NELFA: variants seen among roughly 807,000 people sequenced by gnomAD.
NELFA encodes negative elongation factor complex member A, also known as negative elongation factor A.
In NELFA, 35 loss-of-function variants were observed where a neutral mutation model predicts 51.8. The observed-to-expected ratio is 0.68, with a 90% CI of 0.52 to 0.90. NELFA has a LOEUF of 0.90. NELFA is among the 40% of genes least tolerant of loss of function. The pLI is 0.00. For synonymous variants in NELFA, 417 were observed against 338.4 expected (o/e 1.23, Z -2.55); for missense variants, 658 against 746.4 (o/e 0.88, Z 1.38).
At position 1,983,218 on chromosome 4, in the gene NELFA, G is replaced by A. The variant is rs1017387305; in HGVS notation, c.*101C>T. Reference sequence around the variant, plus strand: ...GTCAGCAGCAGGGCGGCGGCCGGGGGACCTCGGGGGCCAGGTGTCCGCCAT... The same window carrying A: ...GTCAGCAGCAGGGCGGCGGCCGGGGAACCTCGGGGGCCAGGTGTCCGCCAT... On this transcript the variant is annotated 3_prime_UTR_variant, in exon 11 of 11. Transcript: ENST00000382882. 26 of 1,263,364 alleles carry A rather than the reference G, an allele frequency of 2.1e-5. No individual in the cohort carries two copies. Among genetic ancestry groups the A allele is most frequent in the Non-Finnish European group, 2.3e-5 (21 of 913,086 alleles). The allele number at this position is 1,263,364 out of a possible 1,614,324, so 78.3% of individuals were successfully genotyped here. A position where few individuals can be genotyped will look rare whatever the true frequency, so the allele number is the denominator to read the frequency against.
At position 1,984,039 on chromosome 4, in the gene NELFA, T is replaced by G; in HGVS notation, c.1111A>C (p.Lys371Gln). 1.2e-6 allele frequency: 2 copies of G among 1,606,194 alleles called. No homozygotes were observed. The highest frequency in any genetic ancestry group is 1.7e-6 in the Non-Finnish European group (2 of 1,179,178). ...CTGTTGTACATGGGCGCCCGCTGCT[T>G]GAACTGCGCTGGCAACGTGGGGCTC... is the stretch of plus-strand genomic sequence containing the variant. Reference protein sequence around the residue: ...APSPTLPAQFKQRAPMYNSGL... With the variant: ...APSPTLPAQFQQRAPMYNSGL... The change falls in exon 9 of 11, where the codon AAG becomes CAG. Residue 371 changes from lysine (K) to glutamine (Q), a missense_variant. Physicochemically the swap from Lys to Gln is moderately conservative, Grantham distance 53. Around this residue, in one of 3 missense-constraint regions of NELFA, gnomAD observed 200 missense variants for 167.9 expected, o/e 1.19. Transcript: ENST00000382882.
At chr4:2,002,070 G>C (rs556535127) in intron 1 of NELFA, among the ~76,000 whole-genome samples, 2 of 150,214 alleles carry the variant, frequency 1.3e-5, no homozygotes, top group East Asian at 2.0e-4. Context: ...CATGGTGGCG[G>C]GCGCCTGTAG....
Position 1,982,942 on chromosome 4 carries a change from CTG to C in NELFA, c.*375_*376del, listed in dbSNP as rs561653249. 11 of 174,348 alleles carry C rather than the reference CTG, an allele frequency of 6.3e-5. No individual in the cohort carries two copies. The South Asian group carries it at 1.6e-3, about 25-fold the overall frequency. The allele number at this position is 174,348 out of a possible 1,614,324, so 10.8% of individuals were successfully genotyped here. On this transcript the variant is annotated 3_prime_UTR_variant, in exon 11 of 11. Coordinates refer to ENST00000382882, the MANE Select transcript of NELFA (RefSeq NM_005663.5). ...CCGTGCCACCTTGGTCCCCTCAACCCTGGGGGTAGGAGGGCACTGCCCCAGCG... is the reference window on the plus strand; with the variant it reads ...CCGTGCCACCTTGGTCCCCTCAACCCGGGGTAGGAGGGCACTGCCCCAGCG...
intron 1 of NELFA, chr4:1,992,516 C>G (rs1027510920): frequency 7.2e-6 from 3 of 416,242 alleles, no homozygotes; most frequent in African/African-American, 6.3e-5. Flanking sequence ...CATGCGCCCA[C>G]TGGGCTGCTC....
intron 1 of NELFA, among the ~76,000 whole-genome samples, chr4:1,996,216 TTAA>T (rs1208046423): frequency 6.6e-6 from 1 of 152,102 alleles, no homozygotes; most frequent in Non-Finnish European, 1.5e-5. Flanking sequence ...CAGCTAGAAA[TTAA>T]TAATAAAAAC....
Position 1,987,971 on chromosome 4 carries a change from C to G in NELFA, c.581G>C (p.Gly194Ala), listed in dbSNP as rs567338799. 6.8e-6 allele frequency: 11 copies of G among 1,611,336 alleles called. No homozygotes were observed. In the African/African-American group the frequency reaches 1.3e-4, roughly 20 times the overall value. ...ETAQQLKRSA[G>A]VPFHAKGRGL... is the part of the protein sequence containing the mutation. ...CCGGCCCTTGGCGTGGAAGGGCACC[C>G]CGGCGCTCCGCTTCAACTGCTGGGC... is the stretch of plus-strand genomic sequence containing the variant. Residue 194 changes from glycine (G) to alanine (A), a missense_variant, in exon 4 of 11, where the codon GGG (glycine) becomes GCG (alanine). By Grantham distance (60) the Gly-to-Ala change is moderately conservative. Transcript: ENST00000382882.
chr4:2,007,446 A>G (rs1298760312), intron 1 of NELFA, among the ~76,000 whole-genome samples: 1 of 152,238 alleles, frequency 6.6e-6, no homozygotes. Context: ...CGCAGCAGTG[A>G]AAATTAAACT....
At chr4:1,993,159 A>C (rs1728324655) in intron 1 of NELFA, among the ~76,000 whole-genome samples, 1 of 152,246 alleles carries the variant, frequency 6.6e-6, no homozygotes, top group African/African-American at 2.4e-5. Flanking sequence ...TTTTATAAAA[A>C]TGGTAAGGAT....
Position 1,991,589 on chromosome 4 carries a change from G to C in NELFA, c.337C>G (p.Gln113Glu). 2 of 1,614,028 alleles carry C rather than the reference G, an allele frequency of 1.2e-6. No individual in the cohort carries two copies. Among genetic ancestry groups the C allele is most frequent in the South Asian group, 2.2e-5 (2 of 91,082 alleles). ...AAAATATCCTGAACGTTGGGATTCT[G>C]CTCCTCCAGCTCCAGGTTAAGCGAG... ...TGSLNLELEE[Q>E]NPNVQDILGE... The change falls in exon 2 of 11, where the codon CAG becomes GAG. Residue 113 changes from glutamine (Q) to glutamate (E), a missense_variant. This residue lies in a region of NELFA where 371 missense variants were observed against 448.3 expected (regional missense o/e 0.83). Coordinates refer to ENST00000382882, the MANE Select transcript of NELFA (RefSeq NM_005663.5).
At chr4:1,993,090 G>A (rs561321989) in intron 1 of NELFA, among the ~76,000 whole-genome samples, 1 of 152,356 alleles carries the variant, frequency 6.6e-6, no homozygotes, top group South Asian at 2.1e-4. Context: ...CAGCCAGTGC[G>A]GCCTCTCCAC....
chr4:1,997,646 T>G (rs937323825), intron 1 of NELFA, among the ~76,000 whole-genome samples: 1 of 152,218 alleles, frequency 6.6e-6, no homozygotes, highest in Non-Finnish European at 1.5e-5. Flanking sequence ...CGAAAATCAC[T>G]ATGGAGAAAG....
At chr4:1,995,966 A>G (rs1243864091) in intron 1 of NELFA, among the ~76,000 whole-genome samples, 1 of 151,966 alleles carries the variant, frequency 6.6e-6, no homozygotes, top group Non-Finnish European at 1.5e-5. Context: ...CCCGGGCAAC[A>G]TAGTAAGACC....
intron 7 of NELFA, among the ~76,000 whole-genome samples, chr4:1,985,300 G>T (rs1304716606): frequency 6.6e-6 from 1 of 152,206 alleles, no homozygotes; most frequent in Non-Finnish European, 1.5e-5. Context: ...TGACCCCACA[G>T]TGTGGCCTCC....
chr4:1,983,012 CAG>C lies in NELFA; in HGVS notation c.*305_*306del, dbSNP rs2109051227. 2 of 276,822 alleles carry C rather than the reference CAG, an allele frequency of 7.2e-6. No homozygotes were observed. Among genetic ancestry groups the C allele is most frequent in the South Asian group, 1.7e-4 (2 of 11,554 alleles). 17.1% of individuals were successfully genotyped at this position (276,822 alleles called of 1,614,324 possible). On this transcript the variant is annotated 3_prime_UTR_variant, in exon 11 of 11. Transcript: ENST00000382882. ...TTTTAAAAAGTAAGAGTCTAACAGG[CAG>C]AGCTGTCACTAAAATTAGGAAGTTG... is the stretch of plus-strand genomic sequence containing the variant.
Position 1,993,409 on chromosome 4 carries a change from G to A in NELFA, c.211-1694C>T, listed in dbSNP as rs530616274. Among the ~76,000 whole-genome samples the A allele has an allele frequency of 2.0e-5, 3 of 152,162 alleles. No homozygotes were observed. The East Asian group carries it at 5.8e-4, about 30-fold the overall frequency. On this transcript the variant is annotated intron_variant, in intron 1 of 10. Coordinates refer to ENST00000382882, the MANE Select transcript of NELFA (RefSeq NM_005663.5). ...AGACTGACCCACATGGGGAAACCCT[G>A]TCTCTACTAAAAATACAAAATTAGC...
At chr4:1,994,332 G>C (rs761798955) in intron 1 of NELFA, among the ~76,000 whole-genome samples, 3 of 152,062 alleles carry the variant, frequency 2.0e-5, no homozygotes, top group Non-Finnish European at 2.9e-5. Context: ...TGGGAGGCTA[G>C]GGCGGGTGGA....
At chr4:2,004,461 C>T (rs1728655268) in intron 1 of NELFA, among the ~76,000 whole-genome samples, 1 of 152,016 alleles carries the variant, frequency 6.6e-6, no homozygotes, top group Non-Finnish European at 1.5e-5. Context: ...TGGTGAACTA[C>T]CTGGCATAAT....
At chr4:1,993,344 G>A (rs1182235237) in intron 1 of NELFA, among the ~76,000 whole-genome samples, 7 of 152,150 alleles carry the variant, frequency 4.6e-5, no homozygotes, top group Non-Finnish European at 7.4e-5. Context: ...CACTTCGGCC[G>A]GCAGAGGCGG....
intron 1 of NELFA, among the ~76,000 whole-genome samples, chr4:2,005,827 T>C (rs1728696074): frequency 6.6e-6 from 1 of 152,092 alleles, no homozygotes; most frequent in African/African-American, 2.4e-5. Flanking sequence ...TGGTAATATA[T>C]GAGATGGAAG....
Sources: allele counts gnomAD v4.1 joint callset (sites outside exome capture counted in the v4.1 genomes callset), GRCh38; gene constraint gnomAD v4.1.1; regional missense constraint gnomAD v4.1.1; transcripts MANE v1.5; gene names NCBI Gene and HGNC (gene_info 2026-07-23, HGNC 2026-07-21).